Variants in RHBDF1 observed in about 807,000 individuals in gnomAD.
RHBDF1 encodes rhomboid 5 homolog 1, also known as inactive rhomboid protein 1.
RHBDF1 carries 80 observed loss-of-function variants against 98.6 expected under a neutral mutation model. That is an observed-to-expected ratio of 0.81 (90% CI 0.68 to 0.98). The LOEUF is 0.98. Ranked by LOEUF, RHBDF1 falls within the 50% of genes least tolerant of loss-of-function variation. The probability of loss-of-function intolerance (pLI) is 0.00; values close to 1 mark genes in which losing one functional copy is unlikely to be tolerated. For missense variants in RHBDF1, 1,116 were observed against 1,198.3 expected, an observed-to-expected ratio of 0.93 and a Z score of 1.01; for synonymous variants, 512 against 486.8, an observed-to-expected ratio of 1.05 and a Z score of -0.68.
chr16:63,555 G>T lies in RHBDF1; in HGVS notation c.462+32C>A, dbSNP rs372217394. 4.0e-6 allele frequency: 6 copies of T among 1,494,120 alleles called. No homozygotes were observed. The African/African-American group carries it at 7.0e-5, about 17-fold the overall frequency. The allele number at this position is 1,494,120 out of a possible 1,614,324, so 92.6% of individuals were successfully genotyped here. A position where few individuals can be genotyped will look rare whatever the true frequency, so the allele number is the denominator to read the frequency against. ...CCCAGCCCCTGAGAGCGGAAGGAGG[G>T]GCCTGCAGGAGGCAGCAACAGGCAG... is the stretch of plus-strand genomic sequence containing the variant. On this transcript the variant is annotated intron_variant, in intron 4 of 17. Transcript: ENST00000262316.
In RHBDF1 at chr16:64,348, G is replaced by T. The variant is rs376375897; in HGVS notation, c.248+351C>A. ...TATGAGATACCTGAGCAGGGACCAA[G>T]AGAGAGACTGGCGCTGTGGGAAGGC... On this transcript the variant is annotated intron_variant, in intron 3 of 17. Coordinates refer to ENST00000262316, the MANE Select transcript of RHBDF1 (RefSeq NM_022450.5). The T allele has an allele frequency of 2.6e-5, 35 of 1,364,452 alleles. No homozygotes were observed. The East Asian group carries it at 3.5e-4, about 14-fold the overall frequency. The allele number at this position is 1,364,452 out of a possible 1,614,324, so 84.5% of individuals were successfully genotyped here. A position where few individuals can be genotyped will look rare whatever the true frequency, so the allele number is the denominator to read the frequency against.
chr16:62,137 C>G (rs1189805711), intron 7 of RHBDF1, 85 bp from the exon 8 acceptor site: 9 of 1,424,120 alleles, frequency 6.3e-6, no homozygotes, highest in Non-Finnish European at 8.2e-6. Context: ...CACCCTGTCT[C>G]TATCCTGGCG....
chr16:75,839 G>C (rs959601835), upstream of RHBDF1, among the ~76,000 whole-genome samples: 1 of 152,168 alleles, frequency 6.6e-6, no homozygotes, highest in Non-Finnish European at 1.5e-5. Flanking sequence ...GAGTCCATGG[G>C]CTCTGACCTG....
chr16:61,974 C>T lies in RHBDF1; in HGVS notation c.1032G>A (p.Val344=). ...PQPKVRLRQE[V]VSTAGPRRGQ... The stretch of plus-strand genomic sequence containing the variant: ...CCCGTCGCGGCCCCGCGGTGCTCAC[C>T]ACCTCCTGTCGGAGCCGCACCTTGG... Residue 344 remains valine, a synonymous_variant, in exon 8 of 18, where the codon GTG becomes GTA. Transcript: ENST00000262316. The T allele has an allele frequency of 5.0e-6, 8 of 1,588,282 alleles. No individual in the cohort carries two copies. Among genetic ancestry groups the T allele is most frequent in the South Asian group, 1.1e-5 (1 of 89,930 alleles).
chr16:74,616 G>A (rs1240137108), upstream of RHBDF1: 1 of 152,200 alleles, frequency 6.6e-6, no homozygotes, highest in Admixed American at 6.5e-5. Flanking sequence ...TCCTGAGTGA[G>A]GTCATCAGAA....
In RHBDF1 at chr16:61,219, G is replaced by A. The variant is rs774747405; in HGVS notation, c.1458C>T (p.His486=). 9.6e-5 allele frequency: 149 copies of A among 1,546,270 alleles called. No homozygotes were observed. In the African/African-American group the frequency reaches 1.8e-3, roughly 19 times the overall value. ...GCTCGCGCGCCGAGCGAATGAAGCT[G>A]TGCACCTGCGGGTCCTGGCGCATGC... is the stretch of plus-strand genomic sequence containing the variant. ...SPCMRQDPQV[H]SFIRSARERE... The change falls in exon 11 of 18, where the codon CAC becomes CAT. Residue 486 remains histidine (H), a synonymous_variant. Transcript: ENST00000262316.
upstream of RHBDF1, among the ~76,000 whole-genome samples, chr16:73,226 G>A (rs1898023065): frequency 6.6e-6 from 1 of 151,978 alleles, no homozygotes; most frequent in South Asian, 2.1e-4. Flanking sequence ...ACATACACGT[G>A]CACACACACA....
At chr16:64,419 C>T in intron 3 of RHBDF1, 2 of 1,427,692 alleles carry the variant, frequency 1.4e-6, no homozygotes, top group South Asian at 1.2e-5. Flanking sequence ...TGTGGACACG[C>T]CCGAAGCGTA....
chr16:74,404 C>A (rs1898047759), upstream of RHBDF1, among the ~76,000 whole-genome samples: 1 of 152,202 alleles, frequency 6.6e-6, no homozygotes, highest in African/African-American at 2.4e-5. Context: ...TGGACTCTGT[C>A]AGACCCCACC....
At chr16:71,843 C>T (rs1897977879) in intron 1 of RHBDF1, among the ~76,000 whole-genome samples, 2 of 152,268 alleles carry the variant, frequency 1.3e-5, no homozygotes, top group Admixed American at 1.3e-4. Flanking sequence ...GCTGTCACCC[C>T]AGCCGGGAGA....
At chr16:72,740 T>A (rs1228795368), upstream of RHBDF1, 3 of 971,268 alleles carry the variant, frequency 3.1e-6, no homozygotes, top group African/African-American at 5.3e-5. Flanking sequence ...CCAAGTCACC[T>A]CCTCCCGGAA....
chr16:72,689 T>A (rs1490306428), upstream of RHBDF1: 5 of 980,832 alleles, frequency 5.1e-6, no homozygotes, highest in African/African-American at 8.8e-5. Flanking sequence ...GCGGTCGCGC[T>A]GACTCAGAGC....
At chr16:66,969 G>C (rs544057362) in intron 1 of RHBDF1, among the ~76,000 whole-genome samples, 1 of 152,186 alleles carries the variant, frequency 6.6e-6, no homozygotes, top group Non-Finnish European at 1.5e-5. Flanking sequence ...CATCTGACTC[G>C]TGACCCAAAC....
intron 3 of RHBDF1, chr16:64,404 C>A: frequency 1.4e-6 from 2 of 1,400,848 alleles, no homozygotes; most frequent in Non-Finnish European, 1.9e-6. Context: ...CCAAGAGGGG[C>A]AGAGTGTGGA....
Position 60,420 on chromosome 16 carries a change from A to C in RHBDF1, c.1658+19T>G. On this transcript the variant is annotated intron_variant, in intron 12 of 17. Transcript: ENST00000262316. Reference sequence around the variant, plus strand: ...AGGTGTGGACAAAGGCAGGTGAGAGAGCTGCCGGCAGGACTAACCTGGGAT... The same window carrying C: ...AGGTGTGGACAAAGGCAGGTGAGAGCGCTGCCGGCAGGACTAACCTGGGAT... The C allele has an allele frequency of 6.2e-7, 1 of 1,608,950 alleles. No homozygotes were observed. Among genetic ancestry groups the C allele is most frequent in the Non-Finnish European group, 8.5e-7 (1 of 1,177,376 alleles).
chr16:59,443 A>G lies in RHBDF1; in HGVS notation c.1869T>C (p.His623=). The change falls in exon 15 of 18, where the codon CAT becomes CAC. Residue 623 remains histidine, a synonymous_variant. Coordinates refer to ENST00000262316, the MANE Select transcript of RHBDF1 (RefSeq NM_022450.5). ...EYCDFMRGYF[H]EEATLCSQVH... is the part of the protein sequence containing the mutation. ...CCTGAGAGCAGAGCGTGGCCTCCTCATGGAAGTAGCCCCTCATGAAGTCAC... is the reference window on the plus strand; with the variant it reads ...CCTGAGAGCAGAGCGTGGCCTCCTCGTGGAAGTAGCCCCTCATGAAGTCAC... The G allele has an allele frequency of 3.1e-6, 5 of 1,613,820 alleles. No homozygotes were observed. Among genetic ancestry groups the G allele is most frequent in the Non-Finnish European group, 4.2e-6 (5 of 1,179,982 alleles).
intron 13 of RHBDF1, 47 bp downstream of exon 13, chr16:60,169 C>G: frequency 6.2e-7 from 1 of 1,613,188 alleles, no homozygotes; most frequent in South Asian, 1.1e-5. Flanking sequence ...GCATTCTCTC[C>G]CACATGACAC....
chr16:69,757 CTTCTT>C (rs1897922726), intron 1 of RHBDF1, among the ~76,000 whole-genome samples: 1 of 152,178 alleles, frequency 6.6e-6, no homozygotes. Context: ...AGTGAAGCCT[CTTCTT>C]TTCTGTGGAA....
rs1215278106 is a variant in RHBDF1 at position 61,329 on chromosome 16, C to CG, written c.1396-49dup. 7 of 1,543,396 alleles carry CG rather than the reference C, an allele frequency of 4.5e-6. No homozygotes were observed. In the Admixed American group the frequency reaches 1.4e-4, roughly 31 times the overall value. On this transcript the variant is annotated intron_variant, in intron 10 of 17. Transcript: ENST00000262316. ...GCCGCAGTCCGGGGCCTCCTGCCCC[C>CG]GCCGGGCACCTCCAGGTCCCGCCCC...
Sources: allele counts gnomAD v4.1 joint callset (sites outside exome capture counted in the v4.1 genomes callset), GRCh38; gene constraint gnomAD v4.1.1; transcripts MANE v1.5; gene names NCBI Gene and HGNC (gene_info 2026-07-23, HGNC 2026-07-21).